LMBR1: variants seen among roughly 807,000 people sequenced by gnomAD.
The protein encoded by LMBR1 is limb region 1 protein homolog.
In LMBR1, 52 loss-of-function variants were observed where a neutral mutation model predicts 73.9. The ratio of observed to expected loss-of-function variants is 0.70; its 90% confidence interval spans 0.56 to 0.89. The LOEUF (loss-of-function observed/expected upper bound fraction) is 0.89, where lower values mean the gene tolerates loss of function less well. Among genes scored for constraint, LMBR1 ranks in the 40% least tolerant of loss-of-function variants. The pLI is 0.00. For missense variants in LMBR1, 539 were observed against 579.8 expected (o/e 0.93, Z 0.72); for synonymous variants, 215 against 209.4 (o/e 1.03, Z -0.23).
At chr7:156,688,823 A>T (rs1254016235) in intron 15 of LMBR1, among the ~76,000 whole-genome samples, 1 of 152,150 alleles carries the variant, frequency 6.6e-6, no homozygotes, top group East Asian at 1.9e-4. Flanking sequence ...CCCCACTAGA[A>T]TGTAGGTTCT....
chr7:156,837,170 CA>C (rs79674194), intron 1 of LMBR1, among the ~76,000 whole-genome samples: 48 of 143,356 alleles, frequency 3.3e-4, no homozygotes, highest in Admixed American at 6.2e-4. Flanking sequence ...CTAAAAAATA[CA>C]AAAAAAAAAA....
intron 5 of LMBR1, among the ~76,000 whole-genome samples, chr7:156,793,316 TAAC>T (rs1829548255): frequency 6.6e-6 from 1 of 152,202 alleles, no homozygotes; most frequent in Non-Finnish European, 1.5e-5. Context: ...CATTTAGACT[TAAC>T]GACACAATAT....
At position 156,856,052 on chromosome 7, in the gene LMBR1, G is replaced by C. The variant is rs545970992; in HGVS notation, c.67-19167C>G. Among the ~76,000 whole-genome samples the C allele has an allele frequency of 2.6e-3, 397 of 152,108 alleles. 4 individuals are homozygous for C. Among genetic ancestry groups the C allele is most frequent in the African/African-American group, 9.0e-3 (372 of 41,462 alleles). On this transcript the variant is annotated intron_variant, in intron 1 of 16. Coordinates refer to ENST00000353442, the MANE Select transcript of LMBR1 (RefSeq NM_022458.4). Reference sequence around the variant, plus strand: ...CTACTAAAAATACAAAAAATTAGCCGGGTGTGGTGGCGGGTGCCTGTAGTC... The same window carrying C: ...CTACTAAAAATACAAAAAATTAGCCCGGTGTGGTGGCGGGTGCCTGTAGTC...
intron 9 of LMBR1, among the ~76,000 whole-genome samples, chr7:156,748,653 TA>T (rs1369145441): frequency 6.6e-6 from 1 of 151,998 alleles, no homozygotes; most frequent in Non-Finnish European, 1.5e-5. Context: ...CACGCCCAGC[TA>T]ATTTTTGTAT....
At chr7:156,671,456 G>C (rs1802489513) in intron 4 of LMBR1, among the ~76,000 whole-genome samples, 1 of 152,220 alleles carries the variant, frequency 6.6e-6, no homozygotes, top group African/African-American at 2.4e-5. Flanking sequence ...AGAGATAATG[G>C]TGTAGAACAC....
intron 5 of LMBR1, among the ~76,000 whole-genome samples, chr7:156,770,665 G>C (rs1825008400): frequency 1.3e-5 from 2 of 152,138 alleles, no homozygotes; most frequent in Admixed American, 1.3e-4. Flanking sequence ...TGTAATCCTA[G>C]TACTTTTAAA....
chr7:156,833,618 A>G (rs943017765), intron 3 of LMBR1, 135 bp downstream of exon 3: 2 of 650,872 alleles, frequency 3.1e-6, no homozygotes, highest in Non-Finnish European at 5.3e-6. Flanking sequence ...TGTGCTTTCT[A>G]AAATTAATAT....
chr7:156,892,512 G>A (rs1025185394), intron 1 of LMBR1: 27 of 155,832 alleles, frequency 1.7e-4, no homozygotes, highest in African/African-American at 5.5e-4. Context: ...TGGCGGGGCC[G>A]CCGTCCACAC....
intron 1 of LMBR1, among the ~76,000 whole-genome samples, chr7:156,851,201 T>C (rs1203259898): frequency 1.3e-5 from 2 of 152,138 alleles, no homozygotes; most frequent in Non-Finnish European, 2.9e-5. Context: ...CAACGCAAAA[T>C]GAACTAACAC....
chr7:156,702,964 C>T lies in LMBR1; in HGVS notation c.1226-14773G>A, dbSNP rs545356728. On this transcript the variant is annotated intron_variant, in intron 15 of 16. Transcript: ENST00000353442. ...AAGGAAAACAGGCAGCCCATGTGGCCTGGGGCCAAAAATGGGGAATGAATC... is the reference window on the plus strand; with the variant it reads ...AAGGAAAACAGGCAGCCCATGTGGCTTGGGGCCAAAAATGGGGAATGAATC... Among the ~76,000 whole-genome samples the T allele has an allele frequency of 9.8e-5, 15 of 152,298 alleles. No homozygotes were observed. The South Asian group carries it at 2.9e-3, about 29-fold the overall frequency.
intron 4 of LMBR1, among the ~76,000 whole-genome samples, chr7:156,810,659 C>A (rs932653913): frequency 6.6e-5 from 10 of 152,076 alleles, no homozygotes; most frequent in Admixed American, 6.5e-4. Flanking sequence ...TCCCAAAGTG[C>A]TGGGATTACA....
intron 9 of LMBR1, among the ~76,000 whole-genome samples, chr7:156,742,183 A>AT (rs1477083078): frequency 6.6e-6 from 1 of 152,122 alleles, no homozygotes; most frequent in Non-Finnish European, 1.5e-5. Flanking sequence ...AGGTGTCTAT[A>AT]TAAAAAAAGA....
intron 4 of LMBR1, among the ~76,000 whole-genome samples, chr7:156,825,023 C>T (rs1835427891): frequency 6.6e-6 from 1 of 152,060 alleles, no homozygotes; most frequent in African/African-American, 2.4e-5. Context: ...CATTTCTTTC[C>T]CTGGATTTGA....
Position 156,853,944 on chromosome 7 carries a change from C to T in LMBR1, c.67-17059G>A, listed in dbSNP as rs560975961. On this transcript the variant is annotated intron_variant, in intron 1 of 16. Transcript: ENST00000353442. The stretch of plus-strand genomic sequence containing the variant: ...TGCTGGGATTACAGGCATGTGCCAT[C>T]GTGCCTGGCCCACATAGAATAAAAT... 3.4e-5 allele frequency among the ~76,000 whole-genome samples: 5 copies of T among 148,452 alleles called. No homozygotes were observed. The South Asian group carries it at 8.8e-4, about 26-fold the overall frequency.
At chr7:156,672,431 C>G (rs1802757074) in intron 4 of LMBR1, among the ~76,000 whole-genome samples, 1 of 152,192 alleles carries the variant, frequency 6.6e-6, no homozygotes, top group African/African-American at 2.4e-5. Context: ...TAGGTGACAT[C>G]AGTATTGGAC....
chr7:156,834,839 C>A (rs1317107183), intron 2 of LMBR1, among the ~76,000 whole-genome samples: 3 of 151,542 alleles, frequency 2.0e-5, no homozygotes, highest in African/African-American at 7.3e-5. Context: ...AAAGAGACTG[C>A]CCAATTATAA....
At chr7:156,724,236 C>T in intron 14 of LMBR1, 58 bp from the exon 15 acceptor site, 1 of 1,284,962 alleles carries the variant, frequency 7.8e-7, no homozygotes, top group Non-Finnish European at 1.1e-6. Flanking sequence ...GACAATCAAA[C>T]CCAGTAACAT....
intron 9 of LMBR1, among the ~76,000 whole-genome samples, chr7:156,746,867 G>A (rs1011014381): frequency 2.6e-5 from 4 of 152,104 alleles, no homozygotes; most frequent in African/African-American, 4.8e-5. Flanking sequence ...AAAATATCCC[G>A]AGGAACTGCA....
At chr7:156,699,362 C>T (rs1470257169) in intron 15 of LMBR1, among the ~76,000 whole-genome samples, 15 of 151,926 alleles carry the variant, frequency 9.9e-5, no homozygotes, top group African/African-American at 3.6e-4. Context: ...ATGTAGAAAG[C>T]TGAAACTGGA....
Sources: allele counts gnomAD v4.1 joint callset (sites outside exome capture counted in the v4.1 genomes callset), GRCh38; gene constraint gnomAD v4.1.1; transcripts MANE v1.5; gene names NCBI Gene and HGNC (gene_info 2026-07-23, HGNC 2026-07-21).